The following COL5A1 variants were observed in gnomAD, a reference collection of about 807,000 sequenced individuals.
The protein encoded by COL5A1 is collagen alpha-1(V) chain.
COL5A1 carries 16 observed loss-of-function variants against 263.7 expected under a neutral mutation model. The observed-to-expected ratio is 0.06, with a 90% CI of 0.04 to 0.09. COL5A1 has a LOEUF of 0.09. Among genes scored for constraint, COL5A1 ranks in the 10% least tolerant of loss-of-function variants. COL5A1 has a pLI of 1.00. For synonymous variants in COL5A1, 1,012 were observed against 1,004.5 expected (o/e 1.01, Z -0.14); for missense variants, 2,036 against 2,540.5 (o/e 0.80, Z 4.27).
At position 134,736,374 on chromosome 9, in the gene COL5A1, A is replaced by G. The variant is rs543182364; in HGVS notation, c.1390-2100A>G. 5.3e-5 allele frequency among the ~76,000 whole-genome samples: 8 copies of G among 152,338 alleles called. No individual in the cohort carries two copies. The South Asian group carries it at 1.7e-3, about 32-fold the overall frequency. ...ACATAGCGGAAGGCATCGCATGGTG[A>G]GAAGGAGCGGGAGAGAAGGTGACTG... On this transcript the variant is annotated intron_variant, in intron 9 of 65. Transcript: ENST00000371817.
At chr9:134,698,274 C>T (rs1216288127) in intron 2 of COL5A1, among the ~76,000 whole-genome samples, 2 of 152,240 alleles carry the variant, frequency 1.3e-5, no homozygotes, top group African/African-American at 4.8e-5. Context: ...GGCCCAGTCT[C>T]CTGTGGGAAC....
chr9:134,767,444 G>T (rs746825304), intron 24 of COL5A1, 90 bp downstream of exon 24: 7 of 1,221,560 alleles, frequency 5.7e-6, no homozygotes, highest in Non-Finnish European at 8.4e-6. Context: ...GTATCCACCA[G>T]CTCTCAATGT....
intron 2 of COL5A1, among the ~76,000 whole-genome samples, chr9:134,694,882 C>T (rs986572975): frequency 8.5e-5 from 13 of 152,194 alleles, no homozygotes; most frequent in African/African-American, 3.1e-4. Context: ...GCGGGCCTGG[C>T]TTCCTCACCA....
At chr9:134,709,174 C>G in intron 4 of COL5A1, 1 of 352,286 alleles carries the variant, frequency 2.8e-6, no homozygotes. Context: ...TTCCCTACAC[C>G]AGCGTGGAAA....
intron 1 of COL5A1, among the ~76,000 whole-genome samples, chr9:134,688,506 G>C (rs1207055493): frequency 1.4e-4 from 22 of 152,210 alleles, no homozygotes; most frequent in Admixed American, 1.4e-3. Context: ...TTCTTCTCAA[G>C]TCAAAGGCAA....
At chr9:134,788,127 T>C (rs1328007734) in intron 31 of COL5A1, among the ~76,000 whole-genome samples, 2 of 137,578 alleles carry the variant, frequency 1.5e-5, no homozygotes, top group African/African-American at 2.8e-5. Context: ...GTGGGGTAGA[T>C]ACATAGATGG....
intron 37 of COL5A1, among the ~76,000 whole-genome samples, chr9:134,800,789 TG>T (rs1838087617): frequency 6.8e-6 from 1 of 146,646 alleles, no homozygotes; most frequent in Non-Finnish European, 1.5e-5. Context: ...TAGTCTGCTG[TG>T]GGTTCATGTG....
At chr9:134,740,286 C>T (rs1397080516) in intron 11 of COL5A1, among the ~76,000 whole-genome samples, 4 of 152,240 alleles carry the variant, frequency 2.6e-5, no homozygotes, top group African/African-American at 9.6e-5. Flanking sequence ...CCAGCCAGGA[C>T]CGGCATGGCT....
At chr9:134,730,903 G>C (rs376850026) in intron 7 of COL5A1, among the ~76,000 whole-genome samples, 1 of 152,218 alleles carries the variant, frequency 6.6e-6, no homozygotes, top group Non-Finnish European at 1.5e-5. Context: ...AGCTGGGGCC[G>C]CCCTGGCTGG....
rs576909015 is a variant in COL5A1 at position 134,697,050 on chromosome 9, A to G, written c.278-2859A>G. On this transcript the variant is annotated intron_variant, in intron 2 of 65. Coordinates refer to ENST00000371817, the MANE Select transcript of COL5A1 (RefSeq NM_000093.5). ...CACGCCACTGCACTCCAGCCTGGGC[A>G]ACAGAGTGAGACTCTGTCTTAAAAA... Among the ~76,000 whole-genome samples, 20 of 151,900 alleles carry G rather than the reference A, an allele frequency of 1.3e-4. No homozygotes were observed. In the East Asian group the frequency reaches 1.6e-3, roughly 12 times the overall value.
intron 9 of COL5A1, among the ~76,000 whole-genome samples, chr9:134,735,426 C>T (rs985109375): frequency 3.5e-5 from 5 of 144,882 alleles, no homozygotes; most frequent in Non-Finnish European, 7.6e-5. Context: ...GTTTTCCTCT[C>T]GTTCCTCTTT....
intron 62 of COL5A1, among the ~76,000 whole-genome samples, chr9:134,825,569 T>C (rs1839231918): frequency 6.6e-6 from 1 of 152,182 alleles, no homozygotes; most frequent in African/African-American, 2.4e-5. Flanking sequence ...AGTTGCTTCA[T>C]GCACCAGCTG....
At chr9:134,650,276 G>A (rs1379145492) in intron 1 of COL5A1, among the ~76,000 whole-genome samples, 3 of 152,152 alleles carry the variant, frequency 2.0e-5, no homozygotes, top group African/African-American at 7.2e-5. Context: ...ATCTCCCAGT[G>A]AGAACACATG....
intron 1 of COL5A1, among the ~76,000 whole-genome samples, chr9:134,659,199 C>T (rs1183525495): frequency 2.0e-5 from 3 of 152,102 alleles, no homozygotes; most frequent in African/African-American, 4.8e-5. Flanking sequence ...TGAGACTGGC[C>T]AATATGGTGA....
At position 134,758,417 on chromosome 9, in the gene COL5A1, C is replaced by A; in HGVS notation, c.1935+121C>A. The A allele has an allele frequency of 1.0e-6, 1 of 983,506 alleles. No homozygotes were observed. Among genetic ancestry groups the A allele is most frequent in the Non-Finnish European group, 1.6e-6 (1 of 627,682 alleles). 60.9% of individuals were successfully genotyped at this position (983,506 alleles called of 1,614,324 possible). A position where few individuals can be genotyped will look rare whatever the true frequency, so the allele number is the denominator to read the frequency against. On this transcript the variant is annotated intron_variant, in intron 18 of 65. Coordinates refer to ENST00000371817, the MANE Select transcript of COL5A1 (RefSeq NM_000093.5). This position sits in a 1 kb window ranked among gnomAD's most constrained non-coding sequence, Gnocchi z 4.1. ...TGGGGTCAGGTCTCCGCCATTCCAA[C>A]AGTCAGTATACAAACCTCACGGGAG...
At chr9:134,698,551 C>G (rs530743032) in intron 2 of COL5A1, among the ~76,000 whole-genome samples, 22 of 152,360 alleles carry the variant, frequency 1.4e-4, no homozygotes, top group Middle Eastern at 6.8e-3. Context: ...AGGCAGCATT[C>G]TCCTCCCCCT....
chr9:134,822,979 T>C lies in COL5A1; in HGVS notation c.4609-19T>C, dbSNP rs1839080935. Reference sequence around the variant, plus strand: ...GCTGAGACCCGGCTTGCTGACGTTCTGCCCTCCTCTCTCTGCAGGGTCCGC... The same window carrying C: ...GCTGAGACCCGGCTTGCTGACGTTCCGCCCTCCTCTCTCTGCAGGGTCCGC... On this transcript the variant is annotated intron_variant, in intron 59 of 65. Transcript: ENST00000371817. The C allele has an allele frequency of 1.2e-6, 2 of 1,614,060 alleles. No individual in the cohort carries two copies. The highest frequency in any genetic ancestry group is 8.5e-7 in the Non-Finnish European group (1 of 1,179,990).
At chr9:134,795,407 T>G (rs1837869188) in intron 34 of COL5A1, 92 bp downstream of exon 34, 2 of 1,119,082 alleles carry the variant, frequency 1.8e-6, no homozygotes, top group African/African-American at 1.6e-5. Context: ...TGTGACCTTT[T>G]TTATTAAAAA....
rs115315743 is a variant in COL5A1, at chr9:134,826,824, C to T, written c.5067+920C>T. 2.9e-3 allele frequency among the ~76,000 whole-genome samples: 404 copies of T among 140,782 alleles called. 2 individuals carry two copies. Among genetic ancestry groups the T allele is most frequent in the African/African-American group, 0.011 (394 of 37,280 alleles). The allele number at this position is 140,782 out of a possible 152,430, so 92.4% of individuals were successfully genotyped here. On this transcript the variant is annotated intron_variant, in intron 63 of 65. Coordinates refer to ENST00000371817, the MANE Select transcript of COL5A1 (RefSeq NM_000093.5). ...CTGGTGCAGGTGTGTGGGTGTGTGG[C>T]TGGTGTGTGGATGTGTATATGGTGT...
Sources: gnomAD v4.1 joint callset for allele counts (sites outside exome capture counted in the v4.1 genomes callset) on GRCh38, gnomAD v4.1.1 for gene constraint, Gnocchi (gnomAD v3.1) non-coding constraint, MANE v1.5 for transcripts, NCBI Gene and HGNC (gene_info 2026-07-23, HGNC 2026-07-21) for gene names.